The following SLC2A3 variants were observed in gnomAD, a reference collection of about 807,000 sequenced individuals.
SLC2A3 encodes solute carrier family 2, facilitated glucose transporter member 3.
SLC2A3 carries 21 observed loss-of-function variants against 46.4 expected under a neutral mutation model. The ratio of observed to expected loss-of-function variants is 0.45; its 90% CI spans 0.32 to 0.65. SLC2A3 has a LOEUF of 0.65. Among genes scored for constraint, SLC2A3 ranks in the 30% least tolerant of loss-of-function variants. SLC2A3 has a pLI of 0.04. For missense variants in SLC2A3, 499 were observed against 623.3 expected (o/e 0.80, Z 2.12); for synonymous variants, 213 against 239.4 (o/e 0.89, Z 1.02).
At position 7,931,350 on chromosome 12, in the gene SLC2A3, T is replaced by A; in HGVS notation, c.405A>T (p.Thr135=). The change falls in exon 4 of 10, where the codon ACA becomes ACT. Residue 135 remains threonine (T), a synonymous_variant. Transcript: ENST00000075120. ...LVIGLFCGLC[T]GFVPMYIGEI... is the part of the protein sequence containing the mutation. ...CTCCAATGTACATGGGCACAAAACC[T>A]GTGCAGAGTCCGCAGAAGAGGCCAA... 1 of 1,614,134 alleles carries A rather than the reference T, an allele frequency of 6.2e-7. No homozygotes were observed.
chr12:7,925,739 C>G (rs961977385), intron 7 of SLC2A3, 105 bp downstream of exon 7: 11 of 892,782 alleles, frequency 1.2e-5, no homozygotes, highest in Non-Finnish European at 2.0e-5. Flanking sequence ...GAAAATTAAG[C>G]AACAAAAAGG....
At chr12:7,933,239 T>C in intron 2 of SLC2A3, 92 bp from the exon 3 acceptor site, 1 of 1,375,550 alleles carries the variant, frequency 7.3e-7, no homozygotes, top group Non-Finnish European at 1.0e-6. Context: ...TCCTAGAGAA[T>C]CAAGGGAATA....
chr12:7,934,483 T>C (rs1313892323), intron 1 of SLC2A3, among the ~76,000 whole-genome samples: 2 of 150,936 alleles, frequency 1.3e-5, no homozygotes, highest in African/African-American at 4.9e-5. Flanking sequence ...ACAGTTCTGC[T>C]ATCCCTAACT....
chr12:7,928,660 C>T (rs1436125258), intron 6 of SLC2A3, among the ~76,000 whole-genome samples: 1 of 152,024 alleles, frequency 6.6e-6, no homozygotes, highest in Non-Finnish European at 1.5e-5. Flanking sequence ...TTGCACGTAG[C>T]TGCCTCACCT....
intron 8 of SLC2A3, 120 bp from the exon 9 acceptor site, chr12:7,923,144 T>C: frequency 1.0e-6 from 1 of 954,218 alleles, no homozygotes; most frequent in Non-Finnish European, 1.5e-6. Context: ...AAAGAGTGGC[T>C]GTGGAGTCAA....
chr12:7,930,205 T>C (rs1209581082), intron 5 of SLC2A3: 6 of 515,634 alleles, frequency 1.2e-5, no homozygotes, highest in Non-Finnish European at 2.0e-5. Context: ...AGGCAGGTCT[T>C]GAACTCCTGA....
At position 7,931,484 on chromosome 12, in the gene SLC2A3, G is replaced by A. The variant is rs756172777; in HGVS notation, c.271C>T (p.Arg91Cys). Residue 91 changes from arginine to cysteine, a missense_variant and splice_region_variant, in exon 4 of 10, where the codon CGC becomes TGC. By Grantham distance (180) the Arg-to-Cys change is radical. Around this residue, in one of 5 missense-constraint regions of SLC2A3, gnomAD observed 248 missense variants for 284.0 expected, o/e 0.87. Coordinates refer to ENST00000075120, the MANE Select transcript of SLC2A3 (RefSeq NM_006931.3). ...VGLFVNRFGR[R>C]NSMLIVNLLA... Reference sequence around the variant, plus strand: ...AGGTTGACAATCAGCATTGAATTGCGCCTGTAAGGTTAATCAAAGACAAAG... The same window carrying A: ...AGGTTGACAATCAGCATTGAATTGCACCTGTAAGGTTAATCAAAGACAAAG... The A allele has an allele frequency of 2.6e-5, 42 of 1,613,992 alleles. No homozygotes were observed. Among genetic ancestry groups the A allele is most frequent in the Middle Eastern group, 1.6e-4 (1 of 6,084 alleles).
chr12:7,927,355 C>A (rs1946106431), intron 6 of SLC2A3, among the ~76,000 whole-genome samples: 2 of 152,070 alleles, frequency 1.3e-5, no homozygotes, highest in African/African-American at 2.4e-5. Flanking sequence ...TATGCCAATT[C>A]TTTTCCTTAA....
rs1229523617 is a variant in SLC2A3 at position 7,919,941 on chromosome 12, A to T, written c.*1472T>A. The T allele has an allele frequency of 6.6e-6, 1 of 152,202 alleles. No individual in the cohort carries two copies. The highest frequency in any genetic ancestry group is 1.5e-5 in the Non-Finnish European group (1 of 68,052). 9.4% of individuals were successfully genotyped at this position (152,202 alleles called of 1,614,324 possible). On this transcript the variant is annotated 3_prime_UTR_variant, in exon 10 of 10. Transcript: ENST00000075120. ...CCCAGAGCAAAGTGACAGTGCACAT[A>T]CATTCATCCTCTCAAGTGTGGGCTA... is the stretch of plus-strand genomic sequence containing the variant.
At chr12:7,932,053 T>C (rs1214284001) in intron 3 of SLC2A3, among the ~76,000 whole-genome samples, 1 of 151,388 alleles carries the variant, frequency 6.6e-6, no homozygotes, top group Non-Finnish European at 1.5e-5. Context: ...GCTAATTTTT[T>C]GTATTTTTAG....
rs1466200178 is a variant in SLC2A3 at position 7,931,583 on chromosome 12, A to G, written c.270-98T>C. 5.4e-6 allele frequency: 8 copies of G among 1,494,398 alleles called. No individual in the cohort carries two copies. The African/African-American group carries it at 9.9e-5, about 19-fold the overall frequency. 92.6% of individuals were successfully genotyped at this position (1,494,398 alleles called of 1,614,324 possible). On this transcript the variant is annotated intron_variant, in intron 3 of 9. Transcript: ENST00000075120. ...TTCTGTTCTTCTCCAGGCTCATATC[A>G]TCCCTTTTTTTTTTAATCTAACTTT...
chr12:7,932,177 C>T (rs1241449836), intron 3 of SLC2A3, among the ~76,000 whole-genome samples: 2 of 141,078 alleles, frequency 1.4e-5, no homozygotes, highest in Non-Finnish European at 3.1e-5. Context: ...ACGGCACCGG[C>T]TTTTTTTTTT....
chr12:7,934,811 C>T (rs1946196379), intron 1 of SLC2A3, among the ~76,000 whole-genome samples: 1 of 152,078 alleles, frequency 6.6e-6, no homozygotes, highest in African/African-American at 2.4e-5. Context: ...CCTGCAGCCT[C>T]CCAGATGTCT....
Position 7,930,057 on chromosome 12 carries a change from C to T in SLC2A3, c.674-186G>A. ...CTGGAGTGCAATGGCATGATCTCAG[C>T]TCCCTGCAACCTCCACTTCCCGGGT... On this transcript the variant is annotated intron_variant, in intron 5 of 9. Coordinates refer to ENST00000075120, the MANE Select transcript of SLC2A3 (RefSeq NM_006931.3). 3 of 1,252,548 alleles carry T rather than the reference C, an allele frequency of 2.4e-6. No individual in the cohort carries two copies. In the South Asian group the frequency reaches 4.9e-5, roughly 20 times the overall value. 77.6% of individuals were successfully genotyped at this position (1,252,548 alleles called of 1,614,324 possible). A position where few individuals can be genotyped will look rare whatever the true frequency, so the allele number is the denominator to read the frequency against.
In SLC2A3 at chr12:7,936,048, T is replaced by A; in HGVS notation, c.-14A>T. ...CTGTGTCCCCATCGCTGTAATCTAATTCAAGTCTTCAAGAAAGATCTAGGG... is the reference window on the plus strand; with the variant it reads ...CTGTGTCCCCATCGCTGTAATCTAAATCAAGTCTTCAAGAAAGATCTAGGG... On this transcript the variant is annotated 5_prime_UTR_variant, in exon 1 of 10. Coordinates refer to ENST00000075120, the MANE Select transcript of SLC2A3 (RefSeq NM_006931.3). The A allele has an allele frequency of 6.2e-7, 1 of 1,602,814 alleles. No individual in the cohort carries two copies. The highest frequency in any genetic ancestry group is 8.5e-7 in the Non-Finnish European group (1 of 1,169,736).
intron 6 of SLC2A3, among the ~76,000 whole-genome samples, chr12:7,927,620 ATT>A (rs71769049): frequency 6.6e-6 from 1 of 152,054 alleles, no homozygotes; most frequent in African/African-American, 2.4e-5. Flanking sequence ...CATCAGATTT[ATT>A]TTTTTACAGA....
chr12:7,925,610 T>C, intron 7 of SLC2A3: 1 of 358,402 alleles, frequency 2.8e-6, no homozygotes, highest in South Asian at 5.5e-5. Flanking sequence ...TTTCCTCCAA[T>C]TCCAAGTTCA....
chr12:7,931,368 G>A lies in SLC2A3; in HGVS notation c.387C>T (p.Leu129=). Reference sequence around the variant, plus strand: ...CAAAACCTGTGCAGAGTCCGCAGAAGAGGCCAATAACCAAGCGACCCAGGA... The same window carrying A: ...CAAAACCTGTGCAGAGTCCGCAGAAAAGGCCAATAACCAAGCGACCCAGGA... The part of the protein sequence containing the change: ...MLILGRLVIG[L]FCGLCTGFVP... Residue 129 remains leucine (L), a synonymous_variant, in exon 4 of 10, where the codon CTC becomes CTT. Transcript: ENST00000075120. The A allele has an allele frequency of 6.2e-7, 1 of 1,614,150 alleles. No homozygotes were observed. The highest frequency in any genetic ancestry group is 2.2e-5 in the East Asian group (1 of 44,884).
chr12:7,931,416 T>C lies in SLC2A3; in HGVS notation c.339A>G (p.Val113=). Residue 113 remains valine (V), a synonymous_variant, in exon 4 of 10, where the codon GTA becomes GTG. Transcript: ENST00000075120. ...GGATCAGCATTTCAACCGACTTAGC[T>C]ACTTTACACAGTCCCATAAAGCAGC... ...TGGCFMGLCK[V]AKSVEMLILG... 1 of 1,614,152 alleles carries C rather than the reference T, an allele frequency of 6.2e-7. No homozygotes were observed. Among genetic ancestry groups the C allele is most frequent in the East Asian group, 2.2e-5 (1 of 44,882 alleles).
Sources: gnomAD v4.1 joint callset for allele counts (sites outside exome capture counted in the v4.1 genomes callset) on GRCh38, gnomAD v4.1.1 for gene constraint, gnomAD v4.1.1 regional missense constraint, MANE v1.5 for transcripts, NCBI Gene and HGNC (gene_info 2026-07-23, HGNC 2026-07-21) for gene names.